The following PSMA1 variants were observed in gnomAD, a reference collection of about 807,000 sequenced individuals.
PSMA1 encodes proteasome subunit alpha type-1.
In PSMA1, 3 loss-of-function variants were observed where a neutral mutation model predicts 38.4. That is an observed-to-expected ratio of 0.08 (90% CI 0.04 to 0.20). The LOEUF is 0.20. PSMA1 is among the 10% of genes least tolerant of loss of function. The probability of loss-of-function intolerance (pLI) is 1.00; values close to 1 mark genes in which losing one functional copy is unlikely to be tolerated. For synonymous variants in PSMA1, 101 were observed against 107.1 expected (o/e 0.94, Z 0.35); for missense variants, 227 against 325.3 (o/e 0.70, Z 2.32).
chr11:14,558,822 A>G (rs548448581), intron 2 of PSMA1, among the ~76,000 whole-genome samples: 1 of 152,346 alleles, frequency 6.6e-6, no homozygotes, highest in Non-Finnish European at 1.5e-5. Flanking sequence ...GGTTGATAGA[A>G]ATCTACTGGT....
chr11:14,638,764 G>A (rs977146511), intron 1 of PSMA1, among the ~76,000 whole-genome samples: 12 of 150,078 alleles, frequency 8.0e-5, no homozygotes, highest in African/African-American at 2.7e-4. Flanking sequence ...TGGTAGTGAG[G>A]TGGTTTTGTG....
At chr11:14,561,913 A>C (rs1852014297) in intron 2 of PSMA1, among the ~76,000 whole-genome samples, 1 of 152,248 alleles carries the variant, frequency 6.6e-6, no homozygotes, top group African/African-American at 2.4e-5. Flanking sequence ...CAATGTATCA[A>C]TCAGGGTCTA....
intron 1 of PSMA1, among the ~76,000 whole-genome samples, chr11:14,637,786 G>A (rs1353320113): frequency 1.3e-5 from 2 of 152,122 alleles, no homozygotes; most frequent in Non-Finnish European, 2.9e-5. Flanking sequence ...TGTAGCATTT[G>A]CTTTTTGAAG....
chr11:14,617,390 TC>T (rs1393535151), intron 1 of PSMA1, among the ~76,000 whole-genome samples: 2 of 152,166 alleles, frequency 1.3e-5, no homozygotes, highest in African/African-American at 4.8e-5. Context: ...TGTTTCTACT[TC>T]CCCCTTCCTT....
intron 1 of PSMA1, among the ~76,000 whole-genome samples, chr11:14,613,356 A>T (rs1852732414): frequency 7.0e-6 from 1 of 143,214 alleles, no homozygotes; most frequent in Admixed American, 6.9e-5. Context: ...GGTTCAAGTG[A>T]TTCTCATGTC....
chr11:14,590,669 A>G lies in PSMA1; in HGVS notation c.21+20297T>C, dbSNP rs1348977385. 4.6e-5 allele frequency among the ~76,000 whole-genome samples: 7 copies of G among 152,324 alleles called. No individual in the cohort carries two copies. The South Asian group carries it at 1.4e-3, about 32-fold the overall frequency. ...AATGAGTTGGTTGTTGGTGATCATCAGTCTGATCCACTCCAAGAGAGATCG... is the reference window on the plus strand; with the variant it reads ...AATGAGTTGGTTGTTGGTGATCATCGGTCTGATCCACTCCAAGAGAGATCG... On this transcript the variant is annotated intron_variant, in intron 2 of 10. Coordinates refer to the PSMA1 transcript ENST00000418988.
At chr11:14,588,450 A>C (rs1308512364) in intron 2 of PSMA1, among the ~76,000 whole-genome samples, 1 of 152,122 alleles carries the variant, frequency 6.6e-6, no homozygotes, top group Admixed American at 6.5e-5. Context: ...AAACAATGCA[A>C]ATTTTTGAGA....
intron 1 of PSMA1, among the ~76,000 whole-genome samples, chr11:14,630,774 G>A (rs1388285371): frequency 6.6e-5 from 10 of 152,016 alleles, no homozygotes; most frequent in South Asian, 4.2e-4. Context: ...GGTATAATTC[G>A]GCTGTGAATC....
intron 9 of PSMA1, 64 bp downstream of exon 9, chr11:14,507,592 C>G: frequency 8.9e-7 from 1 of 1,122,920 alleles, no homozygotes; most frequent in Non-Finnish European, 1.3e-6. Flanking sequence ...AATTTACAGA[C>G]ACAGTTGTGG....
At chr11:14,638,569 A>C (rs1472663845) in intron 1 of PSMA1, among the ~76,000 whole-genome samples, 9 of 13,618 alleles carry the variant, frequency 6.6e-4, no homozygotes, top group East Asian at 4.3e-3. Flanking sequence ...ATATATATAT[A>C]TATATATATA....
At chr11:14,511,337 A>G (rs2597217) in intron 7 of PSMA1, among the ~76,000 whole-genome samples, 101,138 of 151,942 alleles carry the variant, frequency 0.67, 33,895 homozygotes, top group African/African-American at 0.71. Context: ...CGATAACAAG[A>G]ATAAAAACAT....
intron 2 of PSMA1, among the ~76,000 whole-genome samples, chr11:14,586,800 C>T (rs531691480): frequency 1.3e-5 from 2 of 151,884 alleles, no homozygotes; most frequent in South Asian, 4.2e-4. Flanking sequence ...CTTGCTCTGT[C>T]ACCAGGCTGG....
At chr11:14,505,389 C>T (rs1370570495) in intron 9 of PSMA1, 141 bp from the exon 10 acceptor site, 1 of 714,598 alleles carries the variant, frequency 1.4e-6, no homozygotes, top group Non-Finnish European at 2.4e-6. Context: ...GTTCACTGTC[C>T]TGTTAACATT....
chr11:14,549,579 T>C lies in PSMA1; in HGVS notation c.22-30538A>G, dbSNP rs183621009. Among the ~76,000 whole-genome samples, 4 of 151,916 alleles carry C rather than the reference T, an allele frequency of 2.6e-5. No homozygotes were observed. The East Asian group carries it at 7.7e-4, about 29-fold the overall frequency. On this transcript the variant is annotated intron_variant, in intron 2 of 10. Transcript: ENST00000418988. ...AGCCGGGCATGGTGGCGGGCCCCTGTAGTCCCAGCTACTTAGGAGGCTGAG... is the reference window on the plus strand; with the variant it reads ...AGCCGGGCATGGTGGCGGGCCCCTGCAGTCCCAGCTACTTAGGAGGCTGAG...
At chr11:14,511,384 A>AAAAAC (rs140977899) in intron 7 of PSMA1, among the ~76,000 whole-genome samples, 17 of 152,180 alleles carry the variant, frequency 1.1e-4, no homozygotes, top group Non-Finnish European at 1.8e-4. Flanking sequence ...ATATAGATGC[A>AAAAAC]AAAACAAAAC....
intron 2 of PSMA1, among the ~76,000 whole-genome samples, chr11:14,593,364 T>G (rs1852444950): frequency 6.6e-6 from 1 of 152,218 alleles, no homozygotes; most frequent in South Asian, 2.1e-4. Flanking sequence ...CACAGAAGCT[T>G]CTTCTTTGTG....
At position 14,510,894 on chromosome 11, in the gene PSMA1, G is replaced by T. The variant is rs1181060520; in HGVS notation, c.602C>A (p.Ala201Glu). The stretch of plus-strand genomic sequence containing the variant: ...TACCTTTGTAGTCAGGTCCTGTTCT[G>T]CAGGAAGCGTCTCTCTTAAGGCACG... The part of the protein sequence containing the change: ...GLRALRETLP[A>E]EQDLTTKNVS... Residue 201 changes from alanine to glutamate, a missense_variant, in exon 8 of 10, where the codon GCA (alanine) becomes GAA (glutamate). Transcript: ENST00000396394. 1.2e-6 allele frequency: 2 copies of T among 1,607,782 alleles called. No individual in the cohort carries two copies. Among genetic ancestry groups the T allele is most frequent in the Admixed American group, 3.4e-5 (2 of 59,156 alleles).
intron 1 of PSMA1, among the ~76,000 whole-genome samples, chr11:14,628,908 G>A (rs1262111051): frequency 1.3e-5 from 2 of 150,802 alleles, no homozygotes; most frequent in South Asian, 2.1e-4. Flanking sequence ...TGCATTTCTC[G>A]GATGGCCAGT....
chr11:14,599,133 G>A (rs1852544993), intron 2 of PSMA1, among the ~76,000 whole-genome samples: 1 of 152,108 alleles, frequency 6.6e-6, no homozygotes, highest in South Asian at 2.1e-4. Flanking sequence ...GCTTCCCTTT[G>A]TGGGTAACCC....
Sources: gnomAD v4.1 joint callset for allele counts (sites outside exome capture counted in the v4.1 genomes callset) on GRCh38, gnomAD v4.1.1 for gene constraint, MANE v1.5 for transcripts, NCBI Gene and HGNC (gene_info 2026-07-23, HGNC 2026-07-21) for gene names.